Variants in ITIH5 observed in about 807,000 individuals in gnomAD.
The protein encoded by ITIH5 is inter-alpha-trypsin inhibitor heavy chain H5.
A neutral mutation model predicts 77.5 loss-of-function variants in ITIH5; 65 were observed. The ratio of observed to expected loss-of-function variants is 0.84; its 90% CI spans 0.69 to 1.03. The LOEUF (loss-of-function observed/expected upper bound fraction) is 1.03, where lower values mean the gene tolerates loss of function less well. Ranked by LOEUF, ITIH5 falls within the 50% of genes least tolerant of loss-of-function variation. The probability of loss-of-function intolerance (pLI) is 0.00; values close to 1 mark genes in which losing one functional copy is unlikely to be tolerated. For missense variants in ITIH5, 1,208 were observed against 1,213.1 expected (o/e 1.00, Z 0.06); for synonymous variants, 525 against 494.3 (o/e 1.06, Z -0.82).
At chr10:7,622,457 A>T (rs1833489228) in intron 5 of ITIH5, 2 of 152,182 alleles carry the variant, frequency 1.3e-5, no homozygotes, top group African/African-American at 4.8e-5. Context: ...GGTGCTCAAT[A>T]CATACTAGCT....
At chr10:7,626,882 G>A (rs1363061316) in intron 5 of ITIH5, among the ~76,000 whole-genome samples, 5 of 152,156 alleles carry the variant, frequency 3.3e-5, no homozygotes, top group African/African-American at 1.2e-4. Context: ...CTTAATCCCT[G>A]CTTCATAACA....
At chr10:7,609,167 A>G (rs999942652) in intron 7 of ITIH5, among the ~76,000 whole-genome samples, 2 of 152,232 alleles carry the variant, frequency 1.3e-5, no homozygotes, top group African/African-American at 2.4e-5. Flanking sequence ...TAGGGAGAGC[A>G]ATGTTTACTT....
intron 5 of ITIH5, among the ~76,000 whole-genome samples, chr10:7,626,018 G>C (rs925493678): frequency 2.0e-5 from 3 of 152,184 alleles, no homozygotes; most frequent in Admixed American, 2.0e-4. Flanking sequence ...TTAGTGCATA[G>C]CTGGGCAGAT....
chr10:7,602,991 G>A (rs1246073503), intron 7 of ITIH5, among the ~76,000 whole-genome samples: 1 of 151,960 alleles, frequency 6.6e-6, no homozygotes, highest in Admixed American at 6.6e-5. Context: ...AACAGCTGTG[G>A]CCCACAAATT....
intron 7 of ITIH5, among the ~76,000 whole-genome samples, chr10:7,610,503 T>A (rs565724854): frequency 3.9e-5 from 6 of 152,322 alleles, no homozygotes; most frequent in African/African-American, 1.4e-4. Flanking sequence ...TTCAGGCCCG[T>A]CAAAGACGAG....
intron 7 of ITIH5, among the ~76,000 whole-genome samples, chr10:7,611,683 T>C (rs993912165): frequency 6.6e-6 from 1 of 152,200 alleles, no homozygotes; most frequent in African/African-American, 2.4e-5. Flanking sequence ...TTTTCATTAA[T>C]CTGGAACAGT....
chr10:7,586,140 C>T (rs988105429), intron 7 of ITIH5, 71 bp from the exon 8 acceptor site: 14 of 1,316,346 alleles, frequency 1.1e-5, no homozygotes, highest in South Asian at 1.5e-5. Flanking sequence ...TTCTAGAAAC[C>T]GCCCCCGCCC....
Position 7,573,127 on chromosome 10 carries a change from C to G in ITIH5, c.2032+15G>C. The G allele has an allele frequency of 6.2e-7, 1 of 1,611,292 alleles. No homozygotes were observed. The highest frequency in any genetic ancestry group is 1.1e-5 in the South Asian group (1 of 91,030). ...CTTACTCTCAATCCACACACAACCG[C>G]ATCCTTTGCTTTACCTGATGTTTTA... On this transcript the variant is annotated intron_variant, in intron 11 of 13. Transcript: ENST00000397146.
chr10:7,656,702 G>A (rs1343072085), intron 1 of ITIH5, among the ~76,000 whole-genome samples: 1 of 151,182 alleles, frequency 6.6e-6, no homozygotes, highest in Admixed American at 6.6e-5. Flanking sequence ...TTACAATGTA[G>A]ATCAAAAACA....
chr10:7,658,843 G>A (rs1355262214), intron 1 of ITIH5, among the ~76,000 whole-genome samples: 4 of 152,116 alleles, frequency 2.6e-5, no homozygotes. Flanking sequence ...GACTGTAAAT[G>A]TTTCCTATCA....
At chr10:7,644,508 A>C (rs1219468985) in intron 2 of ITIH5, among the ~76,000 whole-genome samples, 1 of 132,618 alleles carries the variant, frequency 7.5e-6, no homozygotes, top group African/African-American at 2.9e-5. Context: ...TCACATATAT[A>C]TGATATATAT....
chr10:7,666,783 C>T lies in ITIH5; in HGVS notation c.90+20G>A, dbSNP rs1834369048. ...GGGGGCGGCCGCGCCCGGGACCCGGCTCCCCTCGGCTCCACTTACCTGCTC... is the reference window on the plus strand; with the variant it reads ...GGGGGCGGCCGCGCCCGGGACCCGGTTCCCCTCGGCTCCACTTACCTGCTC... On this transcript the variant is annotated intron_variant, in intron 1 of 13. Coordinates refer to ENST00000397146, the MANE Select transcript of ITIH5 (RefSeq NM_030569.7). 1.9e-6 allele frequency: 3 copies of T among 1,592,754 alleles called. No individual in the cohort carries two copies. Among genetic ancestry groups the T allele is most frequent in the Non-Finnish European group, 2.6e-6 (3 of 1,168,686 alleles).
chr10:7,649,245 TTCC>T (rs898243756), intron 2 of ITIH5, among the ~76,000 whole-genome samples: 2 of 152,068 alleles, frequency 1.3e-5, no homozygotes, highest in African/African-American at 2.4e-5. Context: ...TTCTTTCTTC[TTCC>T]TCCTTTCTTC....
chr10:7,628,968 G>GTAGCGTGTGTCCGTGTTT (rs1564269271), intron 5 of ITIH5, among the ~76,000 whole-genome samples: 1 of 125,540 alleles, frequency 8.0e-6, no homozygotes, highest in African/African-American at 2.8e-5. Context: ...TGTCCGTGTT[G>GTAGCGTGTGTCCGTGTTT]TAGCATGTGT....
intron 7 of ITIH5, chr10:7,609,631 AT>A (rs1440525547): frequency 2.7e-6 from 1 of 367,812 alleles, no homozygotes; most frequent in African/African-American, 2.1e-5. Flanking sequence ...ACAATTACAG[AT>A]AAGAAACATG....
chr10:7,565,085 C>T (rs7922469), intron 13 of ITIH5, among the ~76,000 whole-genome samples: 102,711 of 130,206 alleles, frequency 0.79, 39,204 homozygotes, highest in Non-Finnish European at 0.87. Flanking sequence ...TATATATATA[C>T]ACACACACAC....
intron 5 of ITIH5, among the ~76,000 whole-genome samples, chr10:7,631,289 C>G (rs1282518203): frequency 6.6e-6 from 1 of 152,102 alleles, no homozygotes; most frequent in African/African-American, 2.4e-5. Flanking sequence ...GTTTGGGAAC[C>G]ACTGAGGTTG....
intron 1 of ITIH5, among the ~76,000 whole-genome samples, chr10:7,661,487 C>G (rs943368929): frequency 1.3e-5 from 2 of 152,078 alleles, no homozygotes; most frequent in African/African-American, 4.8e-5. Context: ...CATGAGATGC[C>G]ATTTATCATG....
At chr10:7,653,934 C>T (rs1398583607) in intron 2 of ITIH5, among the ~76,000 whole-genome samples, 2 of 152,208 alleles carry the variant, frequency 1.3e-5, no homozygotes, top group Non-Finnish European at 1.5e-5. Context: ...GTGGGCGGAT[C>T]ACCTGAGGTC....
Sources: allele counts gnomAD v4.1 joint callset (sites outside exome capture counted in the v4.1 genomes callset), GRCh38; gene constraint gnomAD v4.1.1; transcripts MANE v1.5; gene names NCBI Gene and HGNC (gene_info 2026-07-23, HGNC 2026-07-21).